Variants in DENND2D observed in about 807,000 individuals in gnomAD.
DENND2D encodes DENN domain-containing protein 2D.
In DENND2D, 37 loss-of-function variants were observed where a neutral mutation model predicts 59.8. The ratio of observed to expected loss-of-function variants is 0.62; its 90% CI spans 0.48 to 0.81. The LOEUF (loss-of-function observed/expected upper bound fraction) is 0.81, where lower values mean the gene tolerates loss of function less well. Among genes scored for constraint, DENND2D ranks in the 40% least tolerant of loss-of-function variants. The pLI is 0.00. For missense variants in DENND2D, 525 were observed against 579.7 expected, an observed-to-expected ratio of 0.91 and a Z score of 0.97; for synonymous variants, 219 against 211.3, an observed-to-expected ratio of 1.04 and a Z score of -0.31.
upstream of DENND2D, chr1:111,204,265 TC>T: frequency 5.5e-6 from 8 of 1,452,386 alleles, no homozygotes; most frequent in Non-Finnish European, 5.4e-6. Flanking sequence ...GCCCACGCCG[TC>T]CCCCCGCGCT....
At chr1:111,192,420 T>C (rs1657867474) in intron 7 of DENND2D, 103 bp from the exon 8 acceptor site, 4 of 1,261,038 alleles carry the variant, frequency 3.2e-6, no homozygotes, top group Non-Finnish European at 3.1e-6. Context: ...GTGCTGCCCA[T>C]GCCCATGGGC....
intron 6 of DENND2D, 36 bp from the exon 7 acceptor site, chr1:111,194,762 T>C (rs1221875862): frequency 3.7e-6 from 6 of 1,610,472 alleles, no homozygotes; most frequent in Non-Finnish European, 5.1e-6. Flanking sequence ...GGTGTCACTA[T>C]ACTGCAAGAT....
chr1:111,189,902 C>T lies in DENND2D; in HGVS notation c.973-649G>A, dbSNP rs190307634. 3.9e-4 allele frequency among the ~76,000 whole-genome samples: 60 copies of T among 152,264 alleles called. No homozygotes were observed. The East Asian group carries it at 0.01, about 25-fold the overall frequency. ...AACTCCTGCCTCTCGTGGTGGCTCACGCCTGTAATCCCAGCACTTTGGGAG... is the reference window on the plus strand; with the variant it reads ...AACTCCTGCCTCTCGTGGTGGCTCATGCCTGTAATCCCAGCACTTTGGGAG... On this transcript the variant is annotated intron_variant, in intron 8 of 11. Coordinates refer to ENST00000357640, the MANE Select transcript of DENND2D (RefSeq NM_024901.5).
At position 111,187,679 on chromosome 1, in the gene DENND2D, A is replaced by G. The variant is rs1460657078; in HGVS notation, c.1342T>C (p.Tyr448His). ...AEKSKNPPAG[Y>H]FQQKILEYEE... ...TATTCAAGTATTTTCTGTTGGAAAT[A>G]GCCTGTGGGTTCAAATACAGGTGTT... The change falls in exon 12 of 12, where the codon TAT (tyrosine) becomes CAT (histidine). Residue 448 changes from tyrosine to histidine, a missense_variant and splice_region_variant. Tyr to His is a moderately conservative substitution (Grantham distance 83). Around this residue, in one of 3 missense-constraint regions of DENND2D, gnomAD observed 225 missense variants for 252.4 expected, o/e 0.89. Transcript: ENST00000357640. The G allele has an allele frequency of 6.2e-7, 1 of 1,613,230 alleles. No individual in the cohort carries two copies. Among genetic ancestry groups the G allele is most frequent in the African/African-American group, 1.3e-5 (1 of 74,904 alleles).
At position 111,200,625 on chromosome 1, in the gene DENND2D, A is replaced by C. The variant is rs1658711363; in HGVS notation, c.-166T>G. ...ATAGAAGTTTCCATCCTGTGCACCC[A>C]GTGGTTGAGCAAGAAGGATGTGACG... On this transcript the variant is annotated 5_prime_UTR_variant, in exon 1 of 12. Coordinates refer to ENST00000357640, the MANE Select transcript of DENND2D (RefSeq NM_024901.5). The C allele has an allele frequency of 1.4e-6, 2 of 1,420,030 alleles. No homozygotes were observed. Among genetic ancestry groups the C allele is most frequent in the South Asian group, 2.7e-5 (2 of 75,236 alleles). 88.0% of individuals were successfully genotyped at this position (1,420,030 alleles called of 1,614,324 possible).
chr1:111,201,724 C>G (rs1407287328), upstream of DENND2D, among the ~76,000 whole-genome samples: 1 of 152,224 alleles, frequency 6.6e-6, no homozygotes, highest in Admixed American at 6.5e-5. Flanking sequence ...ATAAGCACCC[C>G]TCTGGAAGAG....
intron 4 of DENND2D, 40 bp from the exon 5 acceptor site, chr1:111,197,293 C>T (rs1463026397): frequency 1.3e-6 from 2 of 1,590,018 alleles, no homozygotes; most frequent in Non-Finnish European, 1.7e-6. Flanking sequence ...GCTGCAGCCT[C>T]CCCAAGGGCT....
chr1:111,194,935 T>TCCCCGAGCACACGCCC (rs1658087722), intron 6 of DENND2D, among the ~76,000 whole-genome samples: 1 of 151,946 alleles, frequency 6.6e-6, no homozygotes, highest in African/African-American at 2.4e-5. Flanking sequence ...CTCACTCGCC[T>TCCCCGAGCACACGCCC]CCCCGAGCAC....
At chr1:111,200,690 A>G, upstream of DENND2D, 1 of 1,312,738 alleles carries the variant, frequency 7.6e-7, no homozygotes. Context: ...CAACAGAGTC[A>G]GCATCCTGGC....
At chr1:111,201,838 A>G (rs1427690355), upstream of DENND2D, among the ~76,000 whole-genome samples, 1 of 152,210 alleles carries the variant, frequency 6.6e-6, no homozygotes, top group Non-Finnish European at 1.5e-5. Flanking sequence ...AAACTCATGT[A>G]CAGTAAAGAA....
At chr1:111,198,131 C>T (rs1217994680) in intron 3 of DENND2D, 142 bp from the exon 4 acceptor site, 4 of 715,976 alleles carry the variant, frequency 5.6e-6, no homozygotes, top group South Asian at 3.5e-5. Flanking sequence ...GTGTCAGGCC[C>T]TAAACACATC....
At chr1:111,187,706 G>C (rs771215754) in intron 11 of DENND2D, 25 bp from the exon 12 acceptor site, 11 of 1,576,888 alleles carry the variant, frequency 7.0e-6, no homozygotes, top group East Asian at 6.7e-5. Flanking sequence ...ACAGGTGTTA[G>C]AGGCATCTGA....
At chr1:111,188,498 A>G in intron 10 of DENND2D, 128 bp from the exon 11 acceptor site, 2 of 1,376,540 alleles carry the variant, frequency 1.5e-6, no homozygotes, top group South Asian at 1.4e-5. Context: ...GTTCATAATT[A>G]CTGACTGAGA....
chr1:111,197,918 A>G lies in DENND2D; in HGVS notation c.426+2T>C. 1 of 1,613,864 alleles carries G rather than the reference A, an allele frequency of 6.2e-7. No homozygotes were observed. The highest frequency in any genetic ancestry group is 1.1e-5 in the South Asian group (1 of 91,070). On this transcript the variant is annotated splice_donor_variant, in intron 4 of 11. Coordinates refer to ENST00000357640, the MANE Select transcript of DENND2D (RefSeq NM_024901.5). LOFTEE classifies it high-confidence loss of function. ...GAAGGGGCAGTTCTGAGCTGCACAG[A>G]CCAAGAGGCGCCTGCAGTATCCAAT...
Position 111,200,400 on chromosome 1 carries a change from G to C in DENND2D, c.60C>G (p.Leu20=). ...FRLFQRRLLQ[L]RAGPPQDNSG... The stretch of plus-strand genomic sequence containing the variant: ...AGGCAGTCCAGTCCTGACCTGCTCG[G>C]AGTTGAAGCAGTCGGCGTTGGAAGA... Residue 20 remains leucine (L), a synonymous_variant, in exon 1 of 12, where the codon CTC becomes CTG. Transcript: ENST00000357640. 1 of 1,612,274 alleles carries C rather than the reference G, an allele frequency of 6.2e-7. No individual in the cohort carries two copies. Among genetic ancestry groups the C allele is most frequent in the Non-Finnish European group, 8.5e-7 (1 of 1,179,082 alleles).
intron 4 of DENND2D, 90 bp from the exon 5 acceptor site, chr1:111,197,343 G>A: frequency 6.5e-7 from 1 of 1,535,138 alleles, no homozygotes; most frequent in Non-Finnish European, 8.7e-7. Flanking sequence ...GCTGAGGGCT[G>A]GGGAGGGGGA....
intron 1 of DENND2D, chr1:111,200,137 T>C: frequency 1.7e-6 from 1 of 585,768 alleles, no homozygotes; most frequent in South Asian, 2.1e-5. Flanking sequence ...CCTGGAACAA[T>C]ATGGCCTGAG....
chr1:111,197,125 AG>A (rs764533672), intron 5 of DENND2D, 50 bp downstream of exon 5: 2 of 1,572,444 alleles, frequency 1.3e-6, no homozygotes, highest in African/African-American at 2.8e-5. Context: ...CAGGGTTGGC[AG>A]CCAGAGACAG....
At chr1:111,197,874 C>T (rs753847787) in intron 4 of DENND2D, 46 bp downstream of exon 4, 3 of 1,612,126 alleles carry the variant, frequency 1.9e-6, no homozygotes, top group African/African-American at 1.3e-5. Flanking sequence ...AGCCGTGGAG[C>T]TGAGCAGACT....
Sources: gnomAD v4.1 joint callset for allele counts (sites outside exome capture counted in the v4.1 genomes callset) on GRCh38, gnomAD v4.1.1 for gene constraint, gnomAD v4.1.1 regional missense constraint, MANE v1.5 for transcripts, NCBI Gene and HGNC (gene_info 2026-07-23, HGNC 2026-07-21) for gene names.